SIPA1L1: variants seen among roughly 807,000 people sequenced by gnomAD.
The protein encoded by SIPA1L1 is signal induced proliferation associated 1 like 1, also known as signal-induced proliferation-associated 1-like protein 1.
SIPA1L1 carries 26 observed loss-of-function variants against 162.7 expected under a neutral mutation model. The ratio of observed to expected loss-of-function variants is 0.16; its 90% CI spans 0.12 to 0.22. SIPA1L1 has a LOEUF of 0.22. Among genes scored for constraint, SIPA1L1 ranks in the 10% least tolerant of loss-of-function variants. SIPA1L1 has a pLI of 1.00. For missense variants in SIPA1L1, 1,874 were observed against 2,241.0 expected (o/e 0.84, Z 3.31); for synonymous variants, 829 against 837.4 (o/e 0.99, Z 0.17).
At chr14:71,503,504 T>G (rs995447977) in intron 2 of SIPA1L1, among the ~76,000 whole-genome samples, 2 of 152,230 alleles carry the variant, frequency 1.3e-5, no homozygotes, top group Non-Finnish European at 2.9e-5. Context: ...GTAAAACATT[T>G]AAAAATTTGT....
At chr14:71,373,910 G>C (rs1257934811) in intron 2 of SIPA1L1, among the ~76,000 whole-genome samples, 1 of 152,010 alleles carries the variant, frequency 6.6e-6, no homozygotes, top group Non-Finnish European at 1.5e-5. Context: ...AAAAAGTTAA[G>C]AAAAAATCCT....
At chr14:71,552,390 T>G (rs950501325) in intron 4 of SIPA1L1, among the ~76,000 whole-genome samples, 2 of 151,568 alleles carry the variant, frequency 1.3e-5, no homozygotes, top group African/African-American at 4.8e-5. Context: ...TCCCATACCC[T>G]ATTTCTTTTT....
intron 7 of SIPA1L1, among the ~76,000 whole-genome samples, chr14:71,640,536 CAG>C (rs1172646179): frequency 3.3e-5 from 5 of 152,306 alleles, no homozygotes; most frequent in Admixed American, 3.3e-4. Context: ...CAGATCAAAT[CAG>C]AGCTTGTATA....
At chr14:71,434,694 T>C (rs1243923179) in intron 2 of SIPA1L1, among the ~76,000 whole-genome samples, 1 of 152,150 alleles carries the variant, frequency 6.6e-6, no homozygotes, top group Non-Finnish European at 1.5e-5. Flanking sequence ...TCCTCCCACC[T>C]CAGCCTCCTC....
At chr14:71,720,850 C>T (rs1235729821) in intron 17 of SIPA1L1, among the ~76,000 whole-genome samples, 1 of 151,906 alleles carries the variant, frequency 6.6e-6, no homozygotes, top group African/African-American at 2.4e-5. Flanking sequence ...TTCAGAATTC[C>T]TTCTATGTGA....
chr14:71,490,621 A>C (rs1219848385), intron 2 of SIPA1L1, among the ~76,000 whole-genome samples: 1 of 152,208 alleles, frequency 6.6e-6, no homozygotes, highest in African/African-American at 2.4e-5. Context: ...TGCATTGCCC[A>C]CACAGGTGAT....
At chr14:71,727,147 G>A (rs1022131477) in intron 19 of SIPA1L1, among the ~76,000 whole-genome samples, 7 of 152,074 alleles carry the variant, frequency 4.6e-5, no homozygotes, top group Admixed American at 1.3e-4. Context: ...ATAGGATAAC[G>A]TTATTTTCCC....
intron 5 of SIPA1L1, among the ~76,000 whole-genome samples, chr14:71,595,598 C>G (rs1355913713): frequency 2.0e-5 from 3 of 152,122 alleles, no homozygotes; most frequent in Non-Finnish European, 4.4e-5. Flanking sequence ...AGATGATTAG[C>G]CTACATTTAT....
chr14:71,382,981 AGG>A (rs2040028474), intron 2 of SIPA1L1, among the ~76,000 whole-genome samples: 1 of 152,106 alleles, frequency 6.6e-6, no homozygotes, highest in Admixed American at 6.5e-5. Flanking sequence ...GAGGGAGTGA[AGG>A]CTTCATGTGG....
chr14:71,604,527 G>A (rs1596369649), intron 5 of SIPA1L1, among the ~76,000 whole-genome samples: 1 of 152,038 alleles, frequency 6.6e-6, no homozygotes, highest in Non-Finnish European at 1.5e-5. Context: ...CCAGGGCTAG[G>A]ACTCACTTAA....
intron 2 of SIPA1L1, among the ~76,000 whole-genome samples, chr14:71,323,409 C>T (rs560834167): frequency 6.6e-6 from 1 of 152,198 alleles, no homozygotes; most frequent in East Asian, 1.9e-4. Flanking sequence ...GAAAGTTTGT[C>T]ATGATTAATA....
At chr14:71,476,431 G>T (rs532845733) in intron 2 of SIPA1L1, among the ~76,000 whole-genome samples, 1 of 152,068 alleles carries the variant, frequency 6.6e-6, no homozygotes, top group African/African-American at 2.4e-5. Context: ...GAAAGAAATG[G>T]TTTTGTGGTA....
chr14:71,395,078 C>T (rs2041073820), intron 2 of SIPA1L1, among the ~76,000 whole-genome samples: 1 of 152,032 alleles, frequency 6.6e-6, no homozygotes, highest in African/African-American at 2.4e-5. Flanking sequence ...GGAGAGGGCC[C>T]TTAGGAAATT....
chr14:71,644,481 C>T (rs936101254), intron 7 of SIPA1L1, among the ~76,000 whole-genome samples: 6 of 152,096 alleles, frequency 3.9e-5, no homozygotes, highest in Admixed American at 1.3e-4. Context: ...AAGTGATCCT[C>T]CCACCTTGGC....
chr14:71,416,984 C>G (rs753941644), intron 2 of SIPA1L1, among the ~76,000 whole-genome samples: 6 of 151,988 alleles, frequency 3.9e-5, no homozygotes, highest in African/African-American at 1.2e-4. Context: ...CTCCTGACCT[C>G]AAGTGATCCT....
At chr14:71,382,620 T>C (rs1371821379) in intron 2 of SIPA1L1, among the ~76,000 whole-genome samples, 1 of 152,216 alleles carries the variant, frequency 6.6e-6, no homozygotes, top group Non-Finnish European at 1.5e-5. Flanking sequence ...GACTGAGCTG[T>C]GTAGAATTGC....
chr14:71,488,877 C>T (rs989574148), intron 2 of SIPA1L1, among the ~76,000 whole-genome samples: 5 of 152,158 alleles, frequency 3.3e-5, no homozygotes, highest in Non-Finnish European at 7.3e-5. Flanking sequence ...ACTGAGCACT[C>T]GGAAATTGGT....
In SIPA1L1 at chr14:71,377,051, A is replaced by G. The variant is rs921209321; in HGVS notation, c.-465+55870A>G. ...CCGTTCTCAGTGAGCTGTTGGGTAC[A>G]CCTCCCAGACGGGGTGGCAGCTGGG... On this transcript the variant is annotated intron_variant, in intron 2 of 23. Coordinates refer to ENST00000381232, the MANE Select transcript of SIPA1L1 (RefSeq NM_001386936.1). This position sits in a 1 kb window ranked among gnomAD's most constrained non-coding sequence, Gnocchi z 4.8. Among the ~76,000 whole-genome samples, 6 of 151,944 alleles carry G rather than the reference A, an allele frequency of 3.9e-5. No homozygotes were observed. The highest frequency in any genetic ancestry group is 1.5e-4 in the African/African-American group (6 of 41,342).
intron 1 of SIPA1L1, among the ~76,000 whole-genome samples, chr14:71,320,722 G>A (rs962108609): frequency 9.7e-6 from 1 of 102,906 alleles, no homozygotes; most frequent in African/African-American, 3.8e-5. Context: ...CGGCAACCTC[G>A]CGCCCACCTT....
Sources: allele counts gnomAD v4.1 joint callset (sites outside exome capture counted in the v4.1 genomes callset), GRCh38; gene constraint gnomAD v4.1.1; non-coding constraint Gnocchi (gnomAD v3.1); transcripts MANE v1.5; gene names NCBI Gene and HGNC (gene_info 2026-07-23, HGNC 2026-07-21).